TUBA4B: variants seen among roughly 807,000 people sequenced by gnomAD.
TUBA4B encodes the protein tubulin-like protein alpha-4B.
In TUBA4B, 13 loss-of-function variants were observed where a neutral mutation model predicts 18.4. The observed-to-expected ratio is 0.71, with a 90% CI of 0.46 to 1.12. TUBA4B has a LOEUF of 1.12. Ranked by LOEUF, TUBA4B falls within the 50% of genes most tolerant of loss-of-function variation. TUBA4B has a pLI of 0.00. For missense variants in TUBA4B, 244 were observed against 250.0 expected (o/e 0.98, Z 0.16); for synonymous variants, 101 against 99.1 (o/e 1.02, Z -0.11).
rs186544422 is a variant in TUBA4B, at chr2:219,271,716, C to T, written c.*17C>T. The stretch of plus-strand genomic sequence containing the variant: ...AGATGGTGAAGTGTGATCCCCGGCA[C>T]GGCAAGTACATGGCCTGCTGCCTGC... On this transcript the variant is annotated 3_prime_UTR_variant, in exon 4 of 4. Coordinates refer to ENST00000490341, the MANE Select transcript of TUBA4B (RefSeq NM_001355221.1). 54 of 1,612,544 alleles carry T rather than the reference C, an allele frequency of 3.3e-5. No individual in the cohort carries two copies. Among genetic ancestry groups the T allele is most frequent in the Admixed American group, 1.5e-4 (9 of 60,028 alleles).
chr2:219,266,685 G>A (rs561260307), intron 2 of TUBA4B, 119 bp downstream of exon 2: 31 of 635,940 alleles, frequency 4.9e-5, no homozygotes, highest in Non-Finnish European at 6.5e-5. Context: ...AGTATGTGGC[G>A]AGGTGGGGAG....
chr2:219,263,310 T>C (rs1951770443), intron 1 of TUBA4B, among the ~76,000 whole-genome samples: 1 of 152,088 alleles, frequency 6.6e-6, no homozygotes, highest in Non-Finnish European at 1.5e-5. Flanking sequence ...CTGGCGAACA[T>C]GGTGAAACAC....
rs746465406 is a variant in TUBA4B at position 219,271,306 on chromosome 2, C to G, written c.333C>G (p.Tyr111Ter). The G allele has an allele frequency of 1.3e-6, 2 of 1,586,122 alleles. No individual in the cohort carries two copies. Among genetic ancestry groups the G allele is most frequent in the Middle Eastern group, 1.7e-4 (1 of 6,008 alleles). ...AATCCAAGCTGGGATTCTCCATCTACCCAGCCCCCCAGGTGTCTACAGCCA... is the reference window on the plus strand; with the variant it reads ...AATCCAAGCTGGGATTCTCCATCTAGCCAGCCCCCCAGGTGTCTACAGCCA... ...GKKSKLGFSI[Y>*]PAPQVSTAMV... Residue 111 changes from tyrosine to a stop codon, truncating the protein, a stop_gained, in exon 4 of 4, where the codon TAC becomes TAG. Transcript: ENST00000490341. LOFTEE classifies it high-confidence loss of function.
intron 2 of TUBA4B, among the ~76,000 whole-genome samples, chr2:219,267,116 T>C (rs1011982879): frequency 3.9e-5 from 6 of 152,194 alleles, no homozygotes; most frequent in Non-Finnish European, 7.3e-5. Flanking sequence ...GGTGCTCCCA[T>C]CTGTCAAGAG....
intron 1 of TUBA4B, chr2:219,254,409 C>G (rs1464825296): frequency 6.6e-6 from 1 of 152,490 alleles, no homozygotes; most frequent in Non-Finnish European, 1.5e-5. Flanking sequence ...CTGCCTGACG[C>G]TTCCTGGTCC....
At chr2:219,255,648 G>T (rs1055528633) in intron 1 of TUBA4B, among the ~76,000 whole-genome samples, 1 of 152,138 alleles carries the variant, frequency 6.6e-6, no homozygotes, top group African/African-American at 2.4e-5. Flanking sequence ...GGGATTACAG[G>T]CCTGAGCAAC....
Position 219,256,139 on chromosome 2 carries a change from C to G in TUBA4B, c.12+2720C>G, listed in dbSNP as rs145933917. ...CTAGCAGAATGAACATAGTAAGAGACTTGAGCTATCTTAGGAAAAACTCTA... is the reference window on the plus strand; with the variant it reads ...CTAGCAGAATGAACATAGTAAGAGAGTTGAGCTATCTTAGGAAAAACTCTA... On this transcript the variant is annotated intron_variant, in intron 1 of 3. Transcript: ENST00000490341. Among the ~76,000 whole-genome samples the G allele has an allele frequency of 2.4e-4, 37 of 152,316 alleles. No individual in the cohort carries two copies. The East Asian group carries it at 7.1e-3, about 29-fold the overall frequency.
At position 219,271,602 on chromosome 2, in the gene TUBA4B, C is replaced by T; in HGVS notation, c.629C>T (p.Pro210Leu). Residue 210 changes from proline (P) to leucine (L), a missense_variant, in exon 4 of 4, where the codon CCT becomes CTT. Physicochemically the swap from Pro to Leu is moderately conservative, Grantham distance 98. Coordinates refer to ENST00000490341, the MANE Select transcript of TUBA4B (RefSeq NM_001355221.1). ...SYLTSTSPWP[P>L]MHQSSLQKRY... The stretch of plus-strand genomic sequence containing the variant: ...CTCACATCCACTTCCCCCTGGCCAC[C>T]TATGCACCAGTCATCTCTGCAGAAA... 2 of 1,614,134 alleles carry T rather than the reference C, an allele frequency of 1.2e-6. No homozygotes were observed. Among genetic ancestry groups the T allele is most frequent in the East Asian group, 2.2e-5 (1 of 44,886 alleles).
chr2:219,271,200 T>C lies in TUBA4B; in HGVS notation c.227T>C (p.Val76Ala). 2 of 1,076,480 alleles carry C rather than the reference T, an allele frequency of 1.9e-6. No homozygotes were observed. Among genetic ancestry groups the C allele is most frequent in the Non-Finnish European group, 2.9e-6 (2 of 690,104 alleles). The allele number at this position is 1,076,480 out of a possible 1,614,324, so 66.7% of individuals were successfully genotyped here. A position where few individuals can be genotyped will look rare whatever the true frequency, so the allele number is the denominator to read the frequency against. ...TGCACAGGACTTCAGGGCTTCCTGG[T>C]GTTCCACAGCCTTGGTCGGGGCACT... ...DQCTGLQGFL[V>A]FHSLGRGTGS... The change falls in exon 4 of 4, where the codon GTG becomes GCG. Residue 76 changes from valine to alanine, a missense_variant. By Grantham distance (64) the Val-to-Ala change is moderately conservative (BLOSUM62 0). Transcript: ENST00000490341.
Position 219,271,152 on chromosome 2 carries a change from C to T in TUBA4B, c.193-14C>T, listed in dbSNP as rs779709359. 1.2e-6 allele frequency: 1 copy of T among 817,452 alleles called. No homozygotes were observed. Among genetic ancestry groups the T allele is most frequent in the South Asian group, 1.4e-5 (1 of 69,146 alleles). The allele number at this position is 817,452 out of a possible 1,614,324, so 50.6% of individuals were successfully genotyped here. On this transcript the variant is annotated splice_polypyrimidine_tract_variant and intron_variant, in intron 3 of 3. Coordinates refer to ENST00000490341, the MANE Select transcript of TUBA4B (RefSeq NM_001355221.1). Reference sequence around the variant, plus strand: ...GCTCCATGCCCCACATTTCCCCTCCCCTTCCCTGTCTAGGCTGACCAGTGC... The same window carrying T: ...GCTCCATGCCCCACATTTCCCCTCCTCTTCCCTGTCTAGGCTGACCAGTGC...
chr2:219,253,929 G>C, intron 1 of TUBA4B: 2 of 1,271,782 alleles, frequency 1.6e-6, no homozygotes, highest in South Asian at 2.4e-5. Flanking sequence ...GCTAGCTGCA[G>C]TGCCGCACCG....
In TUBA4B at chr2:219,253,358, G is replaced by C. The variant is rs563727011; in HGVS notation, c.-50G>C. ...CAGACGCGGGGTGCTGAGTCACGGG[G>C]GGGGGGTGGTTCTGTGGATAGTTGG... is the stretch of plus-strand genomic sequence containing the variant. On this transcript the variant is annotated 5_prime_UTR_variant, in exon 1 of 4. Coordinates refer to ENST00000490341, the MANE Select transcript of TUBA4B (RefSeq NM_001355221.1). 8 of 1,528,146 alleles carry C rather than the reference G, an allele frequency of 5.2e-6. No individual in the cohort carries two copies. Among genetic ancestry groups the C allele is most frequent in the African/African-American group, 2.8e-5 (2 of 72,356 alleles). The allele number at this position is 1,528,146 out of a possible 1,614,324, so 94.7% of individuals were successfully genotyped here. A position where few individuals can be genotyped will look rare whatever the true frequency, so the allele number is the denominator to read the frequency against.
chr2:219,258,846 C>T (rs1951740843), intron 1 of TUBA4B, among the ~76,000 whole-genome samples: 1 of 152,120 alleles, frequency 6.6e-6, no homozygotes, highest in Admixed American at 6.6e-5. Flanking sequence ...TGACACAGAA[C>T]ACAAGTGTCT....
intron 1 of TUBA4B, among the ~76,000 whole-genome samples, chr2:219,260,847 C>G (rs1951755383): frequency 6.6e-6 from 1 of 152,094 alleles, no homozygotes; most frequent in Non-Finnish European, 1.5e-5. Context: ...GTGGCGGGCA[C>G]CTGTAATCCC....
rs1951830271 is a variant in TUBA4B at position 219,271,944 on chromosome 2, A to G, written c.*245A>G. The G allele has an allele frequency of 3.3e-6, 5 of 1,504,136 alleles. No homozygotes were observed. In the Admixed American group the frequency reaches 5.0e-5, roughly 15 times the overall value. The allele number at this position is 1,504,136 out of a possible 1,614,324, so 93.2% of individuals were successfully genotyped here. On this transcript the variant is annotated 3_prime_UTR_variant, in exon 4 of 4. Coordinates refer to ENST00000490341, the MANE Select transcript of TUBA4B (RefSeq NM_001355221.1). ...GCTGAGCAACATGACAGCCATCACTATGGCCTGGGCCCGCCTGGACCACAA... is the reference window on the plus strand; with the variant it reads ...GCTGAGCAACATGACAGCCATCACTGTGGCCTGGGCCCGCCTGGACCACAA...
chr2:219,262,852 C>T (rs745869341), intron 1 of TUBA4B, among the ~76,000 whole-genome samples: 1 of 151,830 alleles, frequency 6.6e-6, no homozygotes. Context: ...ACCAGCCTGA[C>T]CAACATGATG....
Position 219,263,344 on chromosome 2 carries a change from T to C in TUBA4B, c.13-3177T>C, listed in dbSNP as rs376184965. Among the ~76,000 whole-genome samples, 27 of 152,050 alleles carry C rather than the reference T, an allele frequency of 1.8e-4. No individual in the cohort carries two copies. In the East Asian group the frequency reaches 3.7e-3, roughly 21 times the overall value. ...ACTGTCTCTACTAAAAACACAAAAATTAGCGGGGTGTGTTGGTGCATGCCT... is the reference window on the plus strand; with the variant it reads ...ACTGTCTCTACTAAAAACACAAAAACTAGCGGGGTGTGTTGGTGCATGCCT... On this transcript the variant is annotated intron_variant, in intron 1 of 3. Transcript: ENST00000490341.
chr2:219,256,359 G>A (rs1230195289), intron 1 of TUBA4B, among the ~76,000 whole-genome samples: 1 of 152,180 alleles, frequency 6.6e-6, no homozygotes, highest in Non-Finnish European at 1.5e-5. Flanking sequence ...TAATATTATA[G>A]ATAGCAAACT....
intron 1 of TUBA4B, among the ~76,000 whole-genome samples, chr2:219,259,305 G>A (rs1301157469): frequency 3.9e-5 from 5 of 126,846 alleles, no homozygotes; most frequent in African/African-American, 1.5e-4. Context: ...GGCAATAACA[G>A]CAAGACTCTG....
Sources: allele counts gnomAD v4.1 joint callset (sites outside exome capture counted in the v4.1 genomes callset), GRCh38; gene constraint gnomAD v4.1.1; transcripts MANE v1.5; gene names NCBI Gene and HGNC (gene_info 2026-07-23, HGNC 2026-07-21).